The following ULK4 variants were observed in gnomAD, a reference collection of about 807,000 sequenced individuals.
ULK4 encodes unc-51 like kinase 4.
A neutral mutation model predicts 160.6 loss-of-function variants in ULK4; 133 were observed. That is an observed-to-expected ratio of 0.83 (90% CI 0.72 to 0.96). ULK4 has a LOEUF of 0.96. Among genes scored for constraint, ULK4 ranks in the 40% least tolerant of loss-of-function variants. The pLI is 0.00. For synonymous variants in ULK4, 534 were observed against 539.8 expected (o/e 0.99, Z 0.15); for missense variants, 1,580 against 1,499.5 (o/e 1.05, Z -0.89).
chr3:41,898,405 T>C (rs754252176), intron 14 of ULK4, 27 bp downstream of exon 14: 1 of 1,442,586 alleles, frequency 6.9e-7, no homozygotes, highest in Non-Finnish European at 9.5e-7. Context: ...AGAGTCTACA[T>C]GTTCGATAAG....
chr3:41,526,998 T>C (rs553504832), intron 32 of ULK4, among the ~76,000 whole-genome samples: 3 of 152,320 alleles, frequency 2.0e-5, no homozygotes, highest in East Asian at 3.9e-4. Context: ...ACCAGAATAG[T>C]AGTGAAAATA....
intron 22 of ULK4, among the ~76,000 whole-genome samples, chr3:41,736,052 T>C (rs1158586621): frequency 1.3e-5 from 2 of 151,736 alleles, no homozygotes; most frequent in South Asian, 2.1e-4. Flanking sequence ...TAGTATTCCA[T>C]GGTGTATATG....
chr3:41,705,374 C>T (rs2036840098), intron 25 of ULK4, 69 bp from the exon 26 acceptor site: 4 of 1,260,788 alleles, frequency 3.2e-6, no homozygotes, highest in Non-Finnish European at 4.4e-6. Context: ...AGGTAGTTTA[C>T]ATTTTGCCCA....
chr3:41,939,041 T>C (rs1045392630), intron 2 of ULK4, among the ~76,000 whole-genome samples: 2 of 152,216 alleles, frequency 1.3e-5, no homozygotes, highest in South Asian at 2.1e-4. Context: ...TTTTACAACA[T>C]AGAGGAACGA....
chr3:41,493,398 A>G (rs867064317), intron 32 of ULK4, among the ~76,000 whole-genome samples: 6,678 of 137,852 alleles, frequency 0.048, 599 homozygotes, highest in African/African-American at 0.18. Flanking sequence ...AAGACACAAC[A>G]TACCAGAATC....
intron 17 of ULK4, among the ~76,000 whole-genome samples, chr3:41,849,338 T>A (rs1240939723): frequency 1.3e-5 from 2 of 152,168 alleles, no homozygotes; most frequent in Admixed American, 1.3e-4. Context: ...CTAAGATCTG[T>A]ACCAACATTT....
intron 34 of ULK4, among the ~76,000 whole-genome samples, chr3:41,425,656 C>T (rs2125841205): frequency 6.6e-6 from 1 of 152,252 alleles, no homozygotes; most frequent in South Asian, 2.1e-4. Flanking sequence ...ATTTCCAACC[C>T]AGAATTTCAT....
chr3:41,757,971 G>T (rs1278703133), intron 21 of ULK4, among the ~76,000 whole-genome samples: 1 of 152,068 alleles, frequency 6.6e-6, no homozygotes, highest in African/African-American at 2.4e-5. Context: ...GTTTTTGCCT[G>T]CCCCCATTCA....
At chr3:41,445,442 C>A (rs920739018) in intron 34 of ULK4, among the ~76,000 whole-genome samples, 31 of 152,236 alleles carry the variant, frequency 2.0e-4, no homozygotes, top group African/African-American at 7.5e-4. Flanking sequence ...AAGAACAAAG[C>A]TGGAGGCATC....
At chr3:41,868,667 ATT>A (rs148042640) in intron 17 of ULK4, among the ~76,000 whole-genome samples, 2 of 148,642 alleles carry the variant, frequency 1.3e-5, no homozygotes, top group African/African-American at 4.9e-5. Flanking sequence ...TTTTTTTTGT[ATT>A]TTTTTTTTAG....
intron 34 of ULK4, among the ~76,000 whole-genome samples, chr3:41,405,323 A>C (rs970121298): frequency 1.3e-5 from 2 of 151,964 alleles, no homozygotes; most frequent in African/African-American, 2.4e-5. Flanking sequence ...TTTTTTATGG[A>C]TGTGTATTAT....
chr3:41,496,196 A>C (rs1311607248), intron 32 of ULK4, among the ~76,000 whole-genome samples: 4 of 152,172 alleles, frequency 2.6e-5, no homozygotes, highest in Admixed American at 2.0e-4. Flanking sequence ...AGGAAATATA[A>C]GTCACTCTTA....
intron 20 of ULK4, among the ~76,000 whole-genome samples, chr3:41,797,483 C>A (rs1330222009): frequency 6.6e-6 from 1 of 152,130 alleles, no homozygotes; most frequent in Non-Finnish European, 1.5e-5. Flanking sequence ...AACAAAAGCT[C>A]TGCACTCTAA....
rs78485214 is a variant in ULK4 at position 41,258,712 on chromosome 3, T to C, written c.3679-9138A>G. 2.3e-3 allele frequency among the ~76,000 whole-genome samples: 353 copies of C among 152,296 alleles called. 2 individuals carry two copies. Among genetic ancestry groups the C allele is most frequent in the East Asian group, 0.02 (103 of 5,192 alleles). On this transcript the variant is annotated intron_variant, in intron 35 of 36. Transcript: ENST00000301831. ...ATTTCTCTGCTTTATGATGAAAATA[T>C]ATCAGCCAAACCTGGAGTGCCAGCC...
intron 32 of ULK4, among the ~76,000 whole-genome samples, chr3:41,520,023 C>T (rs1363644720): frequency 1.3e-5 from 2 of 152,190 alleles, no homozygotes; most frequent in African/African-American, 4.8e-5. Flanking sequence ...GTGTCATTTT[C>T]AGCTGGGGTT....
intron 17 of ULK4, among the ~76,000 whole-genome samples, chr3:41,861,168 A>T (rs1252106340): frequency 2.7e-5 from 4 of 149,942 alleles, no homozygotes; most frequent in African/African-American, 9.7e-5. Flanking sequence ...TTCTACTTAT[A>T]GTAGAAGTAG....
At chr3:41,599,233 T>G (rs1659944996) in intron 31 of ULK4, among the ~76,000 whole-genome samples, 1 of 152,168 alleles carries the variant, frequency 6.6e-6, no homozygotes, top group Non-Finnish European at 1.5e-5. Flanking sequence ...AGGATGAGGA[T>G]GAGCTAATGT....
At chr3:41,534,758 T>C (rs562076260) in intron 32 of ULK4, among the ~76,000 whole-genome samples, 9 of 152,280 alleles carry the variant, frequency 5.9e-5, no homozygotes, top group Admixed American at 2.0e-4. Flanking sequence ...TTACAGTATG[T>C]TGCATATTTT....
At chr3:41,949,720 C>G (rs1700225517) in intron 2 of ULK4, among the ~76,000 whole-genome samples, 2 of 151,716 alleles carry the variant, frequency 1.3e-5, no homozygotes, top group South Asian at 4.2e-4. Context: ...CAAGTGTGAG[C>G]CACCACACCT....
Sources: gnomAD v4.1 joint callset for allele counts (sites outside exome capture counted in the v4.1 genomes callset) on GRCh38, gnomAD v4.1.1 for gene constraint, MANE v1.5 for transcripts, NCBI Gene and HGNC (gene_info 2026-07-23, HGNC 2026-07-21) for gene names.